Variants in SEPTIN9 observed in about 807,000 individuals in gnomAD.
SEPTIN9 encodes septin 9, also known as septin-9.
SEPTIN9 carries 13 observed loss-of-function variants against 56.6 expected under a neutral mutation model. The ratio of observed to expected loss-of-function variants is 0.23; its 90% confidence interval spans 0.15 to 0.37. SEPTIN9 has a LOEUF of 0.37. SEPTIN9 is among the 10% of genes least tolerant of loss of function. The pLI is 1.00. For synonymous variants in SEPTIN9, 332 were observed against 334.1 expected (o/e 0.99, Z 0.07); for missense variants, 650 against 823.1 (o/e 0.79, Z 2.57).
At chr17:77,417,571 G>A (rs191033129) in intron 3 of SEPTIN9, among the ~76,000 whole-genome samples, 27 of 152,254 alleles carry the variant, frequency 1.8e-4, no homozygotes, top group African/African-American at 6.5e-4. Context: ...ATATCTTAGT[G>A]TGTATAGAAT....
intron 2 of SEPTIN9, among the ~76,000 whole-genome samples, chr17:77,363,710 T>A (rs2034489709): frequency 6.6e-6 from 1 of 152,128 alleles, no homozygotes. Context: ...AAGTTCTCCC[T>A]GGCCCTCAGT....
At chr17:77,306,364 T>C (rs939102713) in intron 1 of SEPTIN9, among the ~76,000 whole-genome samples, 3 of 152,124 alleles carry the variant, frequency 2.0e-5, no homozygotes, top group Non-Finnish European at 4.4e-5. Flanking sequence ...TCTACAGCAA[T>C]AGGGTGGCCG....
intron 2 of SEPTIN9, among the ~76,000 whole-genome samples, chr17:77,370,279 T>G (rs11658892): frequency 0.26 from 39,102 of 152,166 alleles, 5,449 homozygotes; most frequent in Non-Finnish European, 0.31. Context: ...AACCTTTCTT[T>G]GCCTCTTCCA....
rs2039167191 is a variant in SEPTIN9 at position 77,475,415 on chromosome 17, C to T, written c.722-6729C>T. On this transcript the variant is annotated intron_variant, in intron 3 of 11. Transcript: ENST00000427177. This position sits in a 1 kb window ranked among gnomAD's most constrained non-coding sequence, Gnocchi z 4.6. ...AGGAGGGAGCAGCCCTGGCCGGACA[C>T]TGTCCTCCTAGCATTGCCTGCATCA... is the stretch of plus-strand genomic sequence containing the variant. 1 of 1,476,718 alleles carries T rather than the reference C, an allele frequency of 6.8e-7. No individual in the cohort carries two copies. Among genetic ancestry groups the T allele is most frequent in the Non-Finnish European group, 8.9e-7 (1 of 1,118,030 alleles). The allele number at this position is 1,476,718 out of a possible 1,614,324, so 91.5% of individuals were successfully genotyped here. A position where few individuals can be genotyped will look rare whatever the true frequency, so the allele number is the denominator to read the frequency against.
At chr17:77,470,559 T>C (rs2038952899) in intron 3 of SEPTIN9, among the ~76,000 whole-genome samples, 1 of 151,518 alleles carries the variant, frequency 6.6e-6, no homozygotes, top group South Asian at 2.1e-4. Flanking sequence ...CTCATCCACC[T>C]ATCTACTCAT....
At chr17:77,383,148 C>A (rs1376704095) in intron 2 of SEPTIN9, among the ~76,000 whole-genome samples, 1 of 149,414 alleles carries the variant, frequency 6.7e-6, no homozygotes, top group Non-Finnish European at 1.5e-5. Context: ...CTCCCTCCCT[C>A]TTTCTTTCCC....
At position 77,421,629 on chromosome 17, in the gene SEPTIN9, A is replaced by C. The variant is rs1475310418; in HGVS notation, c.721+18926A>C. On this transcript the variant is annotated intron_variant, in intron 3 of 11. Coordinates refer to ENST00000427177, the MANE Select transcript of SEPTIN9 (RefSeq NM_001113491.2). The surrounding 1 kb of genome is among the most constrained non-coding windows in gnomAD (Gnocchi z 4.6). ...TACAGGGATGGCTTTTGGGCCATTC[A>C]CCTGAGGTTTATTGATCTTTCTCTT... 1.3e-5 allele frequency among the ~76,000 whole-genome samples: 2 copies of C among 152,106 alleles called. No individual in the cohort carries two copies. The highest frequency in any genetic ancestry group is 3.9e-4 in the East Asian group (2 of 5,184).
chr17:77,335,311 C>T (rs1425129210), intron 2 of SEPTIN9, among the ~76,000 whole-genome samples: 1 of 150,422 alleles, frequency 6.6e-6, no homozygotes, highest in East Asian at 2.0e-4. Context: ...TACATATATA[C>T]ATGTAGGCCC....
At chr17:77,468,918 C>G (rs902901396) in intron 3 of SEPTIN9, 2 of 152,410 alleles carry the variant, frequency 1.3e-5, no homozygotes, top group African/African-American at 4.8e-5. Flanking sequence ...CCCTGGAGAT[C>G]TAGCTGCAAT....
chr17:77,326,179 C>T lies in SEPTIN9; in HGVS notation c.76+18982C>T, dbSNP rs1171018404. Among the ~76,000 whole-genome samples the T allele has an allele frequency of 2.0e-5, 3 of 152,302 alleles. No homozygotes were observed. Among genetic ancestry groups the T allele is most frequent in the East Asian group, 3.9e-4 (2 of 5,180 alleles). ...TGGTCCGCCCAGCAACCTTTGACCCCCAACATGACAAAATAAACCTCCCTT... is the reference window on the plus strand; with the variant it reads ...TGGTCCGCCCAGCAACCTTTGACCCTCAACATGACAAAATAAACCTCCCTT... On this transcript the variant is annotated intron_variant, in intron 2 of 11. Transcript: ENST00000427177. The surrounding 1 kb of genome is among the most constrained non-coding windows in gnomAD (Gnocchi z 5.1).
At chr17:77,483,288 G>A (rs187021275) in intron 4 of SEPTIN9, 4 of 153,266 alleles carry the variant, frequency 2.6e-5, no homozygotes, top group East Asian at 3.8e-4. Flanking sequence ...GCACTGATCT[G>A]GGCCCTGGCT....
intron 1 of SEPTIN9, among the ~76,000 whole-genome samples, chr17:77,284,235 A>G (rs2031169222): frequency 7.1e-6 from 1 of 140,674 alleles, no homozygotes; most frequent in Non-Finnish European, 1.5e-5. Flanking sequence ...TCAAGGCTGC[A>G]GCCCTGTGAC....
At chr17:77,373,474 G>A (rs1307767415) in intron 2 of SEPTIN9, 39 of 1,522,408 alleles carry the variant, frequency 2.6e-5, no homozygotes, top group Non-Finnish European at 3.3e-5. Context: ...TGCCCTCCGC[G>A]CGACCCGCTG....
chr17:77,382,998 G>T (rs1382885616), intron 2 of SEPTIN9, among the ~76,000 whole-genome samples: 1 of 152,060 alleles, frequency 6.6e-6, no homozygotes, highest in Non-Finnish European at 1.5e-5. Flanking sequence ...TCTTTCTCCA[G>T]CCCTGGCTGT....
intron 3 of SEPTIN9, among the ~76,000 whole-genome samples, chr17:77,467,824 C>T (rs1284145348): frequency 2.0e-5 from 3 of 152,204 alleles, no homozygotes; most frequent in Non-Finnish European, 4.4e-5. Flanking sequence ...GACGAGGGGC[C>T]GGACGAAAGG....
intron 1 of SEPTIN9, among the ~76,000 whole-genome samples, chr17:77,286,759 A>G (rs1358871351): frequency 6.6e-6 from 1 of 152,142 alleles, no homozygotes; most frequent in African/African-American, 2.4e-5. Context: ...TGGACCTGAT[A>G]AGGGGAGTTC....
chr17:77,422,296 C>A (rs1274340104), intron 3 of SEPTIN9, among the ~76,000 whole-genome samples: 1 of 152,212 alleles, frequency 6.6e-6, no homozygotes, highest in East Asian at 1.9e-4. Flanking sequence ...CAGCAGGAGA[C>A]TCAGGTGAAG....
intron 1 of SEPTIN9, among the ~76,000 whole-genome samples, chr17:77,291,643 T>C (rs1433794601): frequency 2.6e-5 from 4 of 151,972 alleles, no homozygotes; most frequent in Non-Finnish European, 4.4e-5. Context: ...AAAAAATTTT[T>C]GTTTTTGTTT....
At chr17:77,314,094 G>A (rs111393601) in intron 2 of SEPTIN9, among the ~76,000 whole-genome samples, 3 of 152,140 alleles carry the variant, frequency 2.0e-5, no homozygotes, top group Non-Finnish European at 2.9e-5. Context: ...CCAGCTACCC[G>A]GGAAGCTGAG....
Sources: gnomAD v4.1 joint callset for allele counts (sites outside exome capture counted in the v4.1 genomes callset) on GRCh38, gnomAD v4.1.1 for gene constraint, Gnocchi (gnomAD v3.1) non-coding constraint, MANE v1.5 for transcripts, NCBI Gene and HGNC (gene_info 2026-07-23, HGNC 2026-07-21) for gene names.